PBRM1: variants seen among roughly 807,000 people sequenced by gnomAD.
The protein encoded by PBRM1 is protein polybromo-1.
In PBRM1, 27 loss-of-function variants were observed where a neutral mutation model predicts 194.5. The observed-to-expected ratio is 0.14, with a 90% confidence interval of 0.10 to 0.19. The LOEUF is 0.19. PBRM1 is among the 10% of genes least tolerant of loss of function. The probability of loss-of-function intolerance (pLI) is 1.00; values close to 1 mark genes in which losing one functional copy is unlikely to be tolerated. For synonymous variants in PBRM1, 655 were observed against 693.2 expected, an observed-to-expected ratio of 0.94 and a Z score of 0.87; for missense variants, 1,466 against 2,077.2, an observed-to-expected ratio of 0.71 and a Z score of 5.72.
chr3:52,662,853 C>T (rs1010574277), intron 3 of PBRM1, among the ~76,000 whole-genome samples: 2 of 150,476 alleles, frequency 1.3e-5, no homozygotes, highest in Non-Finnish European at 3.0e-5. Context: ...ACCAAAAAAC[C>T]CAAAAAAACT....
Position 52,586,690 on chromosome 3 carries a change from TG to T in PBRM1, c.3124-3del. 4.2e-6 allele frequency: 6 copies of T among 1,420,360 alleles called. No individual in the cohort carries two copies. The highest frequency in any genetic ancestry group is 5.6e-6 in the Non-Finnish European group (6 of 1,066,160). 88.0% of individuals were successfully genotyped at this position (1,420,360 alleles called of 1,614,324 possible). ...TTCTGGGCATAACTTAAAGTATTCC[TG>T]GGGGGTGGGGAGGGCATAAGAATAA... On this transcript the variant is annotated splice_region_variant and splice_polypyrimidine_tract_variant and intron_variant, in intron 19 of 29. Transcript: ENST00000296302.
intron 13 of PBRM1, among the ~76,000 whole-genome samples, chr3:52,623,577 A>G (rs918996448): frequency 7.2e-5 from 11 of 152,248 alleles, no homozygotes; most frequent in African/African-American, 2.7e-4. Flanking sequence ...TACCAAGTCA[A>G]TAGGTCAATA....
chr3:52,550,301 AATTT>A (rs2080614966), intron 29 of PBRM1, 116 bp downstream of exon 31: 1 of 419,898 alleles, frequency 2.4e-6, no homozygotes, highest in South Asian at 1.3e-4. Context: ...TGAAATATAT[AATTT>A]ATTTTAATTG....
rs369874660 is a variant in PBRM1, at chr3:52,644,768, T to C, written c.835A>G (p.Ile279Val). 8 of 1,503,878 alleles carry C rather than the reference T, an allele frequency of 5.3e-6. No individual in the cohort carries two copies. In the African/African-American group the frequency reaches 1.1e-4, roughly 21 times the overall value. The allele number at this position is 1,503,878 out of a possible 1,614,324, so 93.2% of individuals were successfully genotyped here. ...ATTTCAGCCTTTTTCATATAAAATA[T>C]TTTTTTAATTGAATTTGCATCCTGT... The change falls in exon 8 of 30, where the codon ATA (isoleucine) becomes GTA (valine). Residue 279 changes from isoleucine (I) to valine (V), a missense_variant. Ile to Val is a conservative substitution (Grantham distance 29, BLOSUM62 3). Coordinates refer to ENST00000296302, the Ensembl canonical transcript of PBRM1.
intron 21 of PBRM1, among the ~76,000 whole-genome samples, chr3:52,577,952 T>C (rs1051904600): frequency 6.6e-6 from 1 of 152,162 alleles, no homozygotes; most frequent in Admixed American, 6.6e-5. Context: ...TGAGGCCCTA[T>C]GTGATATGCA....
chr3:52,657,312 C>T (rs1383397303), intron 5 of PBRM1, among the ~76,000 whole-genome samples: 3 of 151,818 alleles, frequency 2.0e-5, no homozygotes, highest in Non-Finnish European at 4.4e-5. Context: ...ATATCCTTTA[C>T]CACAATAAGA....
intron 29 of PBRM1, among the ~76,000 whole-genome samples, chr3:52,549,310 G>A (rs921256238): frequency 1.3e-4 from 20 of 151,916 alleles, no homozygotes; most frequent in African/African-American, 4.6e-4. Flanking sequence ...GTGAGCCACC[G>A]CTCCTGGCCC....
intron 13 of PBRM1, among the ~76,000 whole-genome samples, chr3:52,623,701 A>T (rs929686594): frequency 1.3e-5 from 2 of 152,166 alleles, no homozygotes; most frequent in African/African-American, 4.8e-5. Context: ...CCTCACACCA[A>T]TCCTATGAAG....
intron 17 of PBRM1, among the ~76,000 whole-genome samples, chr3:52,591,307 T>C (rs2093009066): frequency 6.6e-6 from 1 of 152,096 alleles, no homozygotes; most frequent in Non-Finnish European, 1.5e-5. Flanking sequence ...ATAGGAGTGG[T>C]GGGAGACAGC....
At chr3:52,672,942 C>A (rs2096984204) in intron 2 of PBRM1, among the ~76,000 whole-genome samples, 1 of 152,146 alleles carries the variant, frequency 6.6e-6, no homozygotes, top group Non-Finnish European at 1.5e-5. Context: ...TTAACTATCA[C>A]TGTGACAACT....
upstream of PBRM1, chr3:52,679,777 A>G: frequency 1.4e-6 from 2 of 1,473,160 alleles, no homozygotes; most frequent in East Asian, 2.3e-5. Flanking sequence ...CTCTGTCACC[A>G]AGTCTTCAGC....
intron 6 of PBRM1, 72 bp from the exon 8 acceptor site, chr3:52,648,514 C>G (rs1001047592): frequency 2.7e-6 from 2 of 753,078 alleles, no homozygotes; most frequent in African/African-American, 3.6e-5. Flanking sequence ...AAAAAAGAAC[C>G]CCACATATTT....
At chr3:52,624,374 C>T (rs949335710) in intron 13 of PBRM1, among the ~76,000 whole-genome samples, 5 of 152,164 alleles carry the variant, frequency 3.3e-5, no homozygotes, top group Non-Finnish European at 7.4e-5. Flanking sequence ...AGGTTGTTTT[C>T]AAATCATAAG....
At position 52,676,138 on chromosome 3, in the gene PBRM1, AAAAAAAAAAAAAAAT is replaced by A. The variant is rs1216906869; in HGVS notation, c.236+2347_236+2361del. Among the ~76,000 whole-genome samples the A allele has an allele frequency of 1.2e-3, 36 of 29,946 alleles. 9 individuals carry two copies. Among genetic ancestry groups the A allele is most frequent in the African/African-American group, 1.0e-3 (6 of 5,908 alleles). 19.6% of individuals were successfully genotyped at this position (29,946 alleles called of 152,430 possible). ...TCAAAAAAAAAAAAAAAAAAAAAAA[AAAAAAAAAAAAAAAT>A]AATGAATGAAGCGGGATCCTTACCT... On this transcript the variant is annotated intron_variant, in intron 2 of 29. Coordinates refer to ENST00000296302, the Ensembl canonical transcript of PBRM1.
intron 2 of PBRM1, among the ~76,000 whole-genome samples, chr3:52,670,130 T>C (rs1182513042): frequency 6.6e-6 from 1 of 152,172 alleles, no homozygotes; most frequent in East Asian, 1.9e-4. Flanking sequence ...GGACTATCTG[T>C]AGACAATTGA....
chr3:52,634,838 T>C (rs1262076746), intron 10 of PBRM1, 23 bp from the exon 12 acceptor site: 1 of 1,535,200 alleles, frequency 6.5e-7, no homozygotes. Flanking sequence ...AAAAAGTATT[T>C]ATAAAGGGAC....
At chr3:52,673,142 C>T (rs1292212136) in intron 2 of PBRM1, among the ~76,000 whole-genome samples, 2 of 151,410 alleles carry the variant, frequency 1.3e-5, no homozygotes, top group African/African-American at 4.8e-5. Context: ...CACCCACCAC[C>T]ACGCCCGGCT....
chr3:52,632,456 T>C (rs967462620), intron 11 of PBRM1, among the ~76,000 whole-genome samples: 1 of 152,034 alleles, frequency 6.6e-6, no homozygotes, highest in African/African-American at 2.4e-5. Flanking sequence ...TTGGCATGTG[T>C]CTGTGGTCCC....
rs1485813934 is a variant in PBRM1 at position 52,586,779 on chromosome 3, AC to A, written c.3124-92del. 8.7e-6 allele frequency: 8 copies of A among 916,634 alleles called. No homozygotes were observed. The East Asian group carries it at 1.0e-4, about 11-fold the overall frequency. 56.8% of individuals were successfully genotyped at this position (916,634 alleles called of 1,614,324 possible). A position where few individuals can be genotyped will look rare whatever the true frequency, so the allele number is the denominator to read the frequency against. ...AAAAAAAAAAAAAAGCAAATAACCA[AC>A]CAACCAAACAAAAGCTGAACTGATT... On this transcript the variant is annotated intron_variant, in intron 19 of 29. Coordinates refer to ENST00000296302, the Ensembl canonical transcript of PBRM1.
Sources: gnomAD v4.1 joint callset for allele counts (sites outside exome capture counted in the v4.1 genomes callset) on GRCh38, gnomAD v4.1.1 for gene constraint, MANE v1.5 for transcripts, NCBI Gene and HGNC (gene_info 2026-07-23, HGNC 2026-07-21) for gene names.